AFAP1L1: variants seen among roughly 807,000 people sequenced by gnomAD.
AFAP1L1 encodes the protein actin filament-associated protein 1-like 1.
In AFAP1L1, 77 loss-of-function variants were observed where a neutral mutation model predicts 99.8. The ratio of observed to expected loss-of-function variants is 0.77; its 90% CI spans 0.64 to 0.93. The LOEUF (loss-of-function observed/expected upper bound fraction) is 0.93, where lower values mean the gene tolerates loss of function less well. AFAP1L1 is among the 40% of genes least tolerant of loss of function. AFAP1L1 has a pLI of 0.00. For synonymous variants in AFAP1L1, 373 were observed against 395.3 expected (o/e 0.94, Z 0.67); for missense variants, 893 against 996.8 (o/e 0.90, Z 1.40).
chr5:149,279,100 C>T (rs566694456), intron 1 of AFAP1L1, among the ~76,000 whole-genome samples: 37 of 152,324 alleles, frequency 2.4e-4, no homozygotes, highest in African/African-American at 8.7e-4. Context: ...AGCAACTCAA[C>T]CACATGAGAA....
chr5:149,292,149 A>G (rs1466948401), intron 1 of AFAP1L1, among the ~76,000 whole-genome samples: 1 of 152,252 alleles, frequency 6.6e-6, no homozygotes, highest in East Asian at 1.9e-4. Flanking sequence ...CATGAGTCCA[A>G]GTGCCCAGCA....
intron 12 of AFAP1L1, among the ~76,000 whole-genome samples, chr5:149,319,278 T>G (rs1004270722): frequency 6.6e-6 from 1 of 152,124 alleles, no homozygotes; most frequent in Admixed American, 6.5e-5. Flanking sequence ...AAATGTTGGT[T>G]TTATATTCTA....
At chr5:149,325,431 A>T (rs1470706355) in intron 15 of AFAP1L1, among the ~76,000 whole-genome samples, 1 of 152,214 alleles carries the variant, frequency 6.6e-6, no homozygotes, top group East Asian at 1.9e-4. Flanking sequence ...ATTCTAGGTG[A>T]TTGCAGCCAA....
chr5:149,285,847 A>T (rs1461890637), intron 1 of AFAP1L1, among the ~76,000 whole-genome samples: 3 of 152,144 alleles, frequency 2.0e-5, no homozygotes, highest in Non-Finnish European at 4.4e-5. Flanking sequence ...CATTTGTCAG[A>T]GGCAGGATTC....
At chr5:149,306,865 A>T (rs938022665) in intron 6 of AFAP1L1, among the ~76,000 whole-genome samples, 1 of 151,310 alleles carries the variant, frequency 6.6e-6, no homozygotes, top group African/African-American at 2.4e-5. Flanking sequence ...ATTTATTATG[A>T]TCATTTTACT....
chr5:149,320,036 G>A lies in AFAP1L1; in HGVS notation c.1625+309G>A, dbSNP rs1054249279. On this transcript the variant is annotated intron_variant, in intron 13 of 18. Coordinates refer to ENST00000296721, the MANE Select transcript of AFAP1L1 (RefSeq NM_152406.4). The surrounding 1 kb of genome is among the most constrained non-coding windows in gnomAD (Gnocchi z 4.0). ...CTTTCACACACTGGAGCATGGGCAC[G>A]TGGCTAGTATATGGCATTTGGTACT... Among the ~76,000 whole-genome samples, 19 of 152,216 alleles carry A rather than the reference G, an allele frequency of 1.2e-4. No homozygotes were observed. Among genetic ancestry groups the A allele is most frequent in the Non-Finnish European group, 2.5e-4 (17 of 68,038 alleles).
chr5:149,300,275 G>GT lies in AFAP1L1; in HGVS notation c.150_151insT (p.Glu51Ter). On this transcript the variant is annotated frameshift_variant, in exon 3 of 19. Coordinates refer to ENST00000296721, the MANE Select transcript of AFAP1L1 (RefSeq NM_152406.4). LOFTEE classifies it high-confidence loss of function. ...TGTCCCCCTTCTTCCTCACAGCAAA[G>GT]GAGGTCTCCTACCTGTATGTGAACA... 1 of 1,612,264 alleles carries GT rather than the reference G, an allele frequency of 6.2e-7. No homozygotes were observed. The highest frequency in any genetic ancestry group is 8.5e-7 in the Non-Finnish European group (1 of 1,179,100).
At chr5:149,294,721 AG>A (rs1466151533) in intron 1 of AFAP1L1, among the ~76,000 whole-genome samples, 2 of 152,186 alleles carry the variant, frequency 1.3e-5, no homozygotes, top group Non-Finnish European at 2.9e-5. Context: ...CCACAGGTAA[AG>A]GTATCCCCAG....
At chr5:149,297,653 G>T (rs1454986740) in intron 1 of AFAP1L1, among the ~76,000 whole-genome samples, 2 of 152,060 alleles carry the variant, frequency 1.3e-5, no homozygotes, top group Non-Finnish European at 2.9e-5. Context: ...TCCTAACAAG[G>T]GTCACTATCT....
chr5:149,321,516 C>G (rs1756950935), intron 14 of AFAP1L1, among the ~76,000 whole-genome samples: 1 of 151,964 alleles, frequency 6.6e-6, no homozygotes, highest in East Asian at 1.9e-4. Context: ...CACTTGAGGC[C>G]AGGAGCTCAA....
intron 14 of AFAP1L1, among the ~76,000 whole-genome samples, chr5:149,321,575 A>C (rs1354502339): frequency 6.6e-6 from 1 of 150,786 alleles, no homozygotes; most frequent in Non-Finnish European, 1.5e-5. Flanking sequence ...TAAAAACTAC[A>C]AAAATTAGCC....
In AFAP1L1 at chr5:149,271,879, C is replaced by T. The variant is rs1230325697; in HGVS notation, c.-90C>T. ...ACCGCAGAGAGCGCCGGCCGCTGGG[C>T]TGGCCTGAGAGCGCAGCGCGCCGGC... On this transcript the variant is annotated 5_prime_UTR_variant, in exon 1 of 19. Transcript: ENST00000296721. 1.3e-5 allele frequency: 13 copies of T among 1,029,662 alleles called. No individual in the cohort carries two copies. The highest frequency in any genetic ancestry group is 1.5e-5 in the Non-Finnish European group (12 of 817,882). 63.8% of individuals were successfully genotyped at this position (1,029,662 alleles called of 1,614,324 possible).
At chr5:149,330,065 A>G (rs1265156609) in intron 16 of AFAP1L1, among the ~76,000 whole-genome samples, 1 of 152,236 alleles carries the variant, frequency 6.6e-6, no homozygotes, top group Non-Finnish European at 1.5e-5. Flanking sequence ...AGGATGAAAA[A>G]GCATCACAAT....
At chr5:149,322,573 T>G in intron 14 of AFAP1L1, 33 bp from the exon 15 acceptor site, 29 of 1,521,372 alleles carry the variant, frequency 1.9e-5, no homozygotes, top group Non-Finnish European at 2.5e-5. Context: ...TGCGCCTGCC[T>G]GAACTTGACT....
chr5:149,320,360 T>G lies in AFAP1L1; in HGVS notation c.1626-31T>G. 6.2e-7 allele frequency: 1 copy of G among 1,607,614 alleles called. No homozygotes were observed. The highest frequency in any genetic ancestry group is 1.7e-4 in the Middle Eastern group (1 of 6,054). On this transcript the variant is annotated intron_variant, in intron 13 of 18. Transcript: ENST00000296721. The surrounding 1 kb of genome is among the most constrained non-coding windows in gnomAD (Gnocchi z 4.0). ...GTAAGCTGCAAAGCATCATTGTCAT[T>G]GTCATTGTCATCGTACATTTTATTT... is the stretch of plus-strand genomic sequence containing the variant.
At chr5:149,329,537 A>G in intron 15 of AFAP1L1, 129 bp from the exon 16 acceptor site, 3 of 963,472 alleles carry the variant, frequency 3.1e-6, no homozygotes, top group Non-Finnish European at 4.5e-6. Flanking sequence ...AAATATATCT[A>G]AGGGACTAGG....
Position 149,320,340 on chromosome 5 carries a change from C to T in AFAP1L1, c.1626-51C>T, listed in dbSNP as rs1220943369. The T allele has an allele frequency of 9.5e-6, 15 of 1,570,886 alleles. No homozygotes were observed. The highest frequency in any genetic ancestry group is 1.3e-5 in the Non-Finnish European group (15 of 1,141,468). ...AGTGAGGACACGAAAGCACTGTAAG[C>T]TGCAAAGCATCATTGTCATTGTCAT... is the stretch of plus-strand genomic sequence containing the variant. On this transcript the variant is annotated intron_variant, in intron 13 of 18. Transcript: ENST00000296721. The surrounding 1 kb of genome is among the most constrained non-coding windows in gnomAD (Gnocchi z 4.0).
At chr5:149,284,170 AC>A (rs1401209643) in intron 1 of AFAP1L1, among the ~76,000 whole-genome samples, 3 of 152,228 alleles carry the variant, frequency 2.0e-5, no homozygotes, top group Non-Finnish European at 4.4e-5. Context: ...GATGGAGGTG[AC>A]ATGGGGCCTC....
intron 15 of AFAP1L1, 91 bp downstream of exon 15, chr5:149,322,808 G>T: frequency 9.9e-7 from 1 of 1,011,644 alleles, no homozygotes. Flanking sequence ...TCCCTGGTGG[G>T]TAAATAAATG....
Sources: gnomAD v4.1 joint callset for allele counts (sites outside exome capture counted in the v4.1 genomes callset) on GRCh38, gnomAD v4.1.1 for gene constraint, Gnocchi (gnomAD v3.1) non-coding constraint, MANE v1.5 for transcripts, NCBI Gene and HGNC (gene_info 2026-07-23, HGNC 2026-07-21) for gene names.